The following HIP1 variants were observed in gnomAD, a reference collection of about 807,000 sequenced individuals.
HIP1 encodes the protein huntingtin-interacting protein 1.
In HIP1, 65 loss-of-function variants were observed where a neutral mutation model predicts 147.6. The ratio of observed to expected loss-of-function variants is 0.44; its 90% CI spans 0.36 to 0.54. The LOEUF is 0.54. Ranked by LOEUF, HIP1 falls within the 20% of genes least tolerant of loss-of-function variation. The pLI is 0.00. For synonymous variants in HIP1, 479 were observed against 504.0 expected (o/e 0.95, Z 0.67); for missense variants, 1,061 against 1,299.6 (o/e 0.82, Z 2.82).
intron 1 of HIP1, among the ~76,000 whole-genome samples, chr7:75,714,455 CTTTTT>C (rs71082343): frequency 2.9e-5 from 4 of 137,780 alleles, no homozygotes; most frequent in Admixed American, 7.3e-5. Flanking sequence ...ATCTTTTTTT[CTTTTT>C]TTTTTTTTTT....
chr7:75,595,283 C>CCTTT (rs1345502910), intron 2 of HIP1, among the ~76,000 whole-genome samples: 1 of 83,398 alleles, frequency 1.2e-5, no homozygotes, highest in East Asian at 2.9e-4. Context: ...TTCCTTCCTT[C>CCTTT]CTTTCTTTCT....
At chr7:75,623,845 C>A (rs1419278074) in intron 1 of HIP1, among the ~76,000 whole-genome samples, 1 of 152,150 alleles carries the variant, frequency 6.6e-6, no homozygotes, top group Non-Finnish European at 1.5e-5. Flanking sequence ...GGCGGGAGGA[C>A]TGCTTCAGCC....
At chr7:75,541,573 G>C (rs1554489870) in intron 29 of HIP1, among the ~76,000 whole-genome samples, 1 of 151,474 alleles carries the variant, frequency 6.6e-6, no homozygotes, top group Admixed American at 6.6e-5. Context: ...ACGCACGTCT[G>C]TAATCCCAGC....
intron 29 of HIP1, 146 bp downstream of exon 29, chr7:75,541,773 T>G (rs982062000): frequency 1.7e-6 from 1 of 593,492 alleles, no homozygotes; most frequent in Non-Finnish European, 3.1e-6. Context: ...CTACCTCCAC[T>G]GTTTCTTCCG....
chr7:75,729,567 C>A, intron 1 of HIP1, among the ~76,000 whole-genome samples: 1 of 152,042 alleles, frequency 6.6e-6, no homozygotes, highest in East Asian at 1.9e-4. Context: ...GGGCAGATCA[C>A]CTGAGGTCAG....
chr7:75,624,569 A>G (rs1797967836), intron 1 of HIP1, among the ~76,000 whole-genome samples: 1 of 152,136 alleles, frequency 6.6e-6, no homozygotes, highest in Non-Finnish European at 1.5e-5. Flanking sequence ...GGTGGCCACA[A>G]CGTCACTGGA....
At chr7:75,591,563 C>T (rs1367098703) in intron 4 of HIP1, among the ~76,000 whole-genome samples, 3 of 151,916 alleles carry the variant, frequency 2.0e-5, no homozygotes, top group African/African-American at 7.3e-5. Context: ...ACTATGACTC[C>T]AACGGGACCA....
chr7:75,729,093 T>A (rs779931836), intron 1 of HIP1, among the ~76,000 whole-genome samples: 28 of 133,134 alleles, frequency 2.1e-4, no homozygotes, highest in Non-Finnish European at 4.0e-4. Context: ...GGAAAAAAAG[T>A]GTAGAGGAAA....
chr7:75,649,804 G>A (rs1554511683), intron 1 of HIP1, among the ~76,000 whole-genome samples: 1 of 152,174 alleles, frequency 6.6e-6, no homozygotes, highest in East Asian at 1.9e-4. Context: ...CTCCTACACG[G>A]GGAATTTCCA....
At chr7:75,648,150 G>A (rs1798862377) in intron 1 of HIP1, among the ~76,000 whole-genome samples, 1 of 152,250 alleles carries the variant, frequency 6.6e-6, no homozygotes, top group Non-Finnish European at 1.5e-5. Context: ...TGGGGTAGCT[G>A]GGGCTGGTTG....
intron 1 of HIP1, among the ~76,000 whole-genome samples, chr7:75,735,725 C>A (rs1345016640): frequency 6.6e-6 from 1 of 151,058 alleles, no homozygotes; most frequent in African/African-American, 2.4e-5. Flanking sequence ...GGGTCTCACT[C>A]TGTTGCCCAG....
At chr7:75,680,829 G>A (rs1554516769) in intron 1 of HIP1, among the ~76,000 whole-genome samples, 1 of 152,074 alleles carries the variant, frequency 6.6e-6, no homozygotes, top group Admixed American at 6.6e-5. Flanking sequence ...AGGCTGGAGT[G>A]CAGTGACACG....
intron 1 of HIP1, 118 bp downstream of exon 1, chr7:75,738,683 T>G: frequency 7.9e-7 from 1 of 1,268,396 alleles, no homozygotes; most frequent in Non-Finnish European, 1.1e-6. Context: ...CCCCGCTCAC[T>G]ACACCCTCGC....
intron 1 of HIP1, among the ~76,000 whole-genome samples, chr7:75,602,438 C>CTATA (rs1554503150): frequency 6.8e-6 from 1 of 146,992 alleles, no homozygotes; most frequent in African/African-American, 2.5e-5. Flanking sequence ...GTAGCTGGGA[C>CTATA]TATAGCTGCA....
intron 2 of HIP1, among the ~76,000 whole-genome samples, chr7:75,595,322 C>A (rs1554501790): frequency 1.4e-5 from 2 of 146,680 alleles, no homozygotes. Context: ...TCCTTCCCTC[C>A]CTCTCTCTCT....
At chr7:75,690,493 C>G (rs181507786) in intron 1 of HIP1, among the ~76,000 whole-genome samples, 11 of 152,242 alleles carry the variant, frequency 7.2e-5, no homozygotes, top group African/African-American at 2.4e-4. Flanking sequence ...TGTAAAGAAA[C>G]CGGAACCCTT....
At position 75,681,282 on chromosome 7, in the gene HIP1, CCTGCAGGCGCT is replaced by C. The variant is rs1356066056; in HGVS notation, c.120+57508_120+57518del. 2.0e-5 allele frequency among the ~76,000 whole-genome samples: 3 copies of C among 152,142 alleles called. No individual in the cohort carries two copies. In the East Asian group the frequency reaches 5.8e-4, roughly 29 times the overall value. ...TGCCCCTAATCCCCTTCTTGTCAAC[CCTGCAGGCGCT>C]CTGCACTGTTCCTGCAATAAGAAGC... On this transcript the variant is annotated intron_variant, in intron 1 of 30. Coordinates refer to ENST00000336926, the MANE Select transcript of HIP1 (RefSeq NM_005338.7).
At chr7:75,658,666 A>G (rs1584926655) in intron 1 of HIP1, among the ~76,000 whole-genome samples, 1 of 152,202 alleles carries the variant, frequency 6.6e-6, no homozygotes, top group East Asian at 1.9e-4. Context: ...CTGTAATCCC[A>G]ACACTTTGGG....
chr7:75,692,030 T>C (rs1800471363), intron 1 of HIP1, among the ~76,000 whole-genome samples: 1 of 152,004 alleles, frequency 6.6e-6, no homozygotes, highest in Non-Finnish European at 1.5e-5. Flanking sequence ...TTAAAATGGT[T>C]AATGATTAAT....
Sources: allele counts gnomAD v4.1 joint callset (sites outside exome capture counted in the v4.1 genomes callset), GRCh38; gene constraint gnomAD v4.1.1; transcripts MANE v1.5; gene names NCBI Gene and HGNC (gene_info 2026-07-23, HGNC 2026-07-21).